The following STK3 variants were observed in gnomAD, a reference collection of about 807,000 sequenced individuals.
STK3 encodes serine/threonine-protein kinase 3.
STK3 carries 41 observed loss-of-function variants against 58.0 expected under a neutral mutation model. The ratio of observed to expected loss-of-function variants is 0.71; its 90% confidence interval spans 0.55 to 0.92. The LOEUF (loss-of-function observed/expected upper bound fraction) is 0.92. Among genes scored for constraint, STK3 ranks in the 40% least tolerant of loss-of-function variants. The pLI is 0.00. For synonymous variants in STK3, 170 were observed against 191.0 expected (o/e 0.89, Z 0.91); for missense variants, 479 against 602.7 (o/e 0.79, Z 2.15).
At chr8:98,759,041 C>T (rs1458163289) in intron 3 of STK3, among the ~76,000 whole-genome samples, 1 of 152,218 alleles carries the variant, frequency 6.6e-6, no homozygotes, top group Non-Finnish European at 1.5e-5. Context: ...TCCATATCAG[C>T]AATGAGGCTC....
chr8:98,768,110 C>T (rs970134837), intron 2 of STK3, among the ~76,000 whole-genome samples: 4 of 152,160 alleles, frequency 2.6e-5, no homozygotes, highest in Admixed American at 6.5e-5. Flanking sequence ...AACTTAAAAA[C>T]GAGGTTAAAC....
At chr8:98,672,204 C>A (rs1420368918) in intron 6 of STK3, among the ~76,000 whole-genome samples, 1 of 151,998 alleles carries the variant, frequency 6.6e-6, no homozygotes, top group Non-Finnish European at 1.5e-5. Flanking sequence ...ACCTCAGCCT[C>A]CCAAATATGT....
At chr8:98,492,996 C>T (rs936976668) in intron 10 of STK3, among the ~76,000 whole-genome samples, 8 of 151,636 alleles carry the variant, frequency 5.3e-5, no homozygotes, top group Non-Finnish European at 1.2e-4. Context: ...TTTGGGAGGC[C>T]AAGGCGGGAG....
intron 4 of STK3, among the ~76,000 whole-genome samples, chr8:98,746,027 C>T (rs1829619891): frequency 1.3e-5 from 2 of 152,140 alleles, no homozygotes; most frequent in South Asian, 2.1e-4. Context: ...AGAAAAAGTA[C>T]AGTAAAAATA....
chr8:98,809,946 G>A (rs1564022901), intron 1 of STK3, among the ~76,000 whole-genome samples: 1 of 152,234 alleles, frequency 6.6e-6, no homozygotes, highest in Non-Finnish European at 1.5e-5. Context: ...AGGCTATACA[G>A]GAAGCATAGC....
chr8:98,407,911 C>G (rs966444357), intron 3 of STK3, among the ~76,000 whole-genome samples: 3 of 152,210 alleles, frequency 2.0e-5, no homozygotes, highest in African/African-American at 7.2e-5. Context: ...AGAAAGGGAG[C>G]AACTAAGCCC....
rs867795677 is a variant in STK3, at chr8:98,556,742, T to A, written c.949-8581A>T. Among the ~76,000 whole-genome samples, 43 of 152,040 alleles carry A rather than the reference T, an allele frequency of 2.8e-4. 1 individual carries two copies. The highest frequency in any genetic ancestry group is 1.3e-4 in the Admixed American group (2 of 15,228). ...CTGGAGAAAGACTAGAATCAGACGG[T>A]TATTACTAGAATCCAGATTTGAGGA... is the stretch of plus-strand genomic sequence containing the variant. On this transcript the variant is annotated intron_variant, in intron 8 of 10. Transcript: ENST00000419617.
intron 6 of STK3, among the ~76,000 whole-genome samples, chr8:98,617,009 G>GT (rs1183792382): frequency 6.6e-6 from 1 of 151,764 alleles, no homozygotes; most frequent in Non-Finnish European, 1.5e-5. Context: ...CAGAATATAC[G>GT]TTTTTTTCAG....
Position 98,554,149 on chromosome 8 carries a change from T to C in STK3, c.949-5988A>G, listed in dbSNP as rs185864191. 2.5e-3 allele frequency among the ~76,000 whole-genome samples: 375 copies of C among 152,240 alleles called. 1 individual carries two copies. Among genetic ancestry groups the C allele is most frequent in the African/African-American group, 8.5e-3 (354 of 41,562 alleles). The stretch of plus-strand genomic sequence containing the variant: ...CTAATTATGTAAGGCTTTTAAACTA[T>C]CTACAGCATTTCTCAAGCCCCATTT... On this transcript the variant is annotated intron_variant, in intron 8 of 10. Coordinates refer to ENST00000419617, the MANE Select transcript of STK3 (RefSeq NM_006281.4).
intron 1 of STK3, among the ~76,000 whole-genome samples, chr8:98,440,257 G>GTA (rs1386352409): frequency 1.3e-5 from 2 of 152,160 alleles, no homozygotes; most frequent in Non-Finnish European, 2.9e-5. Context: ...GACACAGGCA[G>GTA]GGCCTTTCAG....
At chr8:98,529,192 GT>G (rs1825964998) in intron 9 of STK3, among the ~76,000 whole-genome samples, 1 of 151,858 alleles carries the variant, frequency 6.6e-6, no homozygotes. Flanking sequence ...CTTATTTTTA[GT>G]CTTTAAAAAT....
At chr8:98,411,492 G>A (rs1818057008) in intron 3 of STK3, among the ~76,000 whole-genome samples, 1 of 152,142 alleles carries the variant, frequency 6.6e-6, no homozygotes, top group Non-Finnish European at 1.5e-5. Flanking sequence ...GAGCCTTGGG[G>A]ATTTAAGGCG....
At chr8:98,788,154 A>G (rs921118122) in intron 1 of STK3, among the ~76,000 whole-genome samples, 2 of 152,206 alleles carry the variant, frequency 1.3e-5, no homozygotes, top group African/African-American at 2.4e-5. Context: ...TAAAAGATAC[A>G]GAACTGGCCG....
At chr8:98,461,963 C>CTT (rs59935847) in intron 10 of STK3, among the ~76,000 whole-genome samples, 4 of 149,682 alleles carry the variant, frequency 2.7e-5, no homozygotes, top group Admixed American at 6.7e-5. Flanking sequence ...AATTAAAACA[C>CTT]TTTTTTTTTT....
At chr8:98,910,247 A>G (rs934478459) in intron 1 of STK3, among the ~76,000 whole-genome samples, 3 of 152,234 alleles carry the variant, frequency 2.0e-5, no homozygotes, top group African/African-American at 7.2e-5. Flanking sequence ...CCACATAGGT[A>G]TGTATTAATA....
At chr8:98,849,028 C>T (rs1836327444) in intron 3 of STK3, among the ~76,000 whole-genome samples, 2 of 151,942 alleles carry the variant, frequency 1.3e-5, no homozygotes, top group African/African-American at 4.8e-5. Context: ...AGTTCGAGAC[C>T]ATCCTGGCTA....
At chr8:98,784,030 CT>C (rs1224351925) in intron 1 of STK3, among the ~76,000 whole-genome samples, 1 of 152,206 alleles carries the variant, frequency 6.6e-6, no homozygotes, top group Non-Finnish European at 1.5e-5. Flanking sequence ...CTGTGACTCA[CT>C]TTTCCACTGG....
intron 8 of STK3, among the ~76,000 whole-genome samples, chr8:98,576,721 T>C (rs1270533458): frequency 6.6e-6 from 1 of 152,206 alleles, no homozygotes; most frequent in East Asian, 1.9e-4. Context: ...CAACTGAGTT[T>C]TGTGGTTGAT....
intron 1 of STK3, among the ~76,000 whole-genome samples, chr8:98,795,973 G>A (rs1386597262): frequency 1.3e-5 from 2 of 152,056 alleles, no homozygotes; most frequent in Non-Finnish European, 2.9e-5. Context: ...AACATTTCAT[G>A]TTCATGAAGT....
Sources: gnomAD v4.1 joint callset for allele counts (sites outside exome capture counted in the v4.1 genomes callset) on GRCh38, gnomAD v4.1.1 for gene constraint, MANE v1.5 for transcripts, NCBI Gene and HGNC (gene_info 2026-07-23, HGNC 2026-07-21) for gene names.